Variants in CC2D2A observed in about 807,000 individuals in gnomAD.
CC2D2A encodes coiled-coil and C2 domain containing 2A.
In CC2D2A, 155 loss-of-function variants were observed where a neutral mutation model predicts 212.9. That is an observed-to-expected ratio of 0.73 (90% confidence interval 0.64 to 0.83). The LOEUF (loss-of-function observed/expected upper bound fraction) is 0.83, where lower values mean the gene tolerates loss of function less well. Ranked by LOEUF, CC2D2A falls within the 40% of genes least tolerant of loss-of-function variation. The pLI, the probability that CC2D2A is intolerant of heterozygous loss-of-function variation, is 0.00. For synonymous variants in CC2D2A, 667 were observed against 686.5 expected, an observed-to-expected ratio of 0.97 and a Z score of 0.44; for missense variants, 1,856 against 1,956.2, an observed-to-expected ratio of 0.95 and a Z score of 0.97.
chr4:15,510,319 G>A, intron 7 of CC2D2A, 79 bp downstream of exon 7: 1 of 1,277,934 alleles, frequency 7.8e-7, no homozygotes, highest in Non-Finnish European at 1.1e-6. Context: ...CTACAGGCCG[G>A]GTGTGGTGGC....
chr4:15,542,580 C>T (rs1157220420), intron 17 of CC2D2A, among the ~76,000 whole-genome samples: 1 of 152,194 alleles, frequency 6.6e-6, no homozygotes, highest in South Asian at 2.1e-4. Context: ...GTGAGTATGA[C>T]TGACAAAGTC....
intron 4 of CC2D2A, among the ~76,000 whole-genome samples, chr4:15,496,627 T>A (rs1715630928): frequency 6.6e-6 from 1 of 152,100 alleles, no homozygotes; most frequent in Non-Finnish European, 1.5e-5. Context: ...GGCCCAGTAA[T>A]CCCATTACTG....
At chr4:15,514,122 G>A (rs555635171) in intron 8 of CC2D2A, among the ~76,000 whole-genome samples, 1 of 152,298 alleles carries the variant, frequency 6.6e-6, no homozygotes, top group East Asian at 1.9e-4. Context: ...GAATTTTTAA[G>A]TGTATCATTT....
rs563258533 is a variant in CC2D2A at position 15,487,100 on chromosome 4, G to A, written c.247+6273G>A. On this transcript the variant is annotated intron_variant, in intron 4 of 36. Transcript: ENST00000424120. ...CCTTGAGCATGTTCCATGTGCTGAA[G>A]AGAAAAATGTGTATTCTGCAGCTGT... is the stretch of plus-strand genomic sequence containing the variant. Among the ~76,000 whole-genome samples the A allele has an allele frequency of 2.0e-5, 3 of 152,186 alleles. No individual in the cohort carries two copies. The East Asian group carries it at 5.8e-4, about 29-fold the overall frequency.
At chr4:15,472,483 C>A (rs772770238) in intron 1 of CC2D2A, among the ~76,000 whole-genome samples, 2 of 152,074 alleles carry the variant, frequency 1.3e-5, no homozygotes, top group Non-Finnish European at 2.9e-5. Flanking sequence ...ATTTCGGTGT[C>A]ATTTGATTTC....
chr4:15,492,422 T>A (rs1715353192), intron 4 of CC2D2A, among the ~76,000 whole-genome samples: 1 of 152,140 alleles, frequency 6.6e-6, no homozygotes, highest in East Asian at 1.9e-4. Context: ...CCTATGAAAA[T>A]ATAGTTACAT....
intron 30 of CC2D2A, among the ~76,000 whole-genome samples, chr4:15,583,676 G>A (rs1009226965): frequency 6.6e-5 from 10 of 152,132 alleles, no homozygotes; most frequent in South Asian, 2.1e-4. Context: ...TGGGCTCAGC[G>A]TGGTGGCTCA....
chr4:15,471,741 A>T (rs890520740), intron 1 of CC2D2A, among the ~76,000 whole-genome samples: 2 of 152,030 alleles, frequency 1.3e-5, no homozygotes, highest in African/African-American at 4.8e-5. Context: ...GCAAAGAAAT[A>T]TGTGGACCAC....
intron 30 of CC2D2A, among the ~76,000 whole-genome samples, chr4:15,581,010 T>C (rs1255615228): frequency 6.6e-6 from 1 of 152,162 alleles, no homozygotes; most frequent in Non-Finnish European, 1.5e-5. Flanking sequence ...ACCATACCCA[T>C]CACAAACTTG....
At chr4:15,525,913 T>C (rs1047617298) in intron 11 of CC2D2A, among the ~76,000 whole-genome samples, 1 of 152,170 alleles carries the variant, frequency 6.6e-6, no homozygotes, top group Non-Finnish European at 1.5e-5. Context: ...GAATGTGGGG[T>C]AATGCAGATT....
chr4:15,489,358 C>A (rs1230057556), intron 4 of CC2D2A, among the ~76,000 whole-genome samples: 1 of 152,042 alleles, frequency 6.6e-6, no homozygotes, highest in Non-Finnish European at 1.5e-5. Context: ...TAGTGCCCAC[C>A]AGCTGGAGAA....
intron 8 of CC2D2A, among the ~76,000 whole-genome samples, chr4:15,512,211 GT>G (rs1359016357): frequency 6.6e-6 from 1 of 152,154 alleles, no homozygotes; most frequent in Non-Finnish European, 1.5e-5. Context: ...TCCACTCTGT[GT>G]ATATATCCAA....
At chr4:15,536,871 T>C (rs1434921475) in intron 14 of CC2D2A, 49 bp from the exon 15 acceptor site, 2 of 1,567,832 alleles carry the variant, frequency 1.3e-6, no homozygotes, top group African/African-American at 2.7e-5. Context: ...ATTATTGCTC[T>C]CTTACTTAAT....
At chr4:15,546,838 G>C (rs1271324604) in intron 17 of CC2D2A, among the ~76,000 whole-genome samples, 1 of 152,172 alleles carries the variant, frequency 6.6e-6, no homozygotes, top group Non-Finnish European at 1.5e-5. Flanking sequence ...CAAGAAGACA[G>C]GTGTGGTCAT....
intron 11 of CC2D2A, chr4:15,519,301 C>T (rs755554473): frequency 4.3e-4 from 169 of 394,304 alleles, no homozygotes; most frequent in Middle Eastern, 8.4e-4. Context: ...CCAACAAGTT[C>T]CTCATCTCCA....
At chr4:15,523,765 CCTCATT>C (rs1717342296) in intron 11 of CC2D2A, among the ~76,000 whole-genome samples, 1 of 152,216 alleles carries the variant, frequency 6.6e-6, no homozygotes, top group Admixed American at 6.5e-5. Context: ...TACTGGTGGG[CCTCATT>C]CTCTGCAATT....
rs34831330 is a variant in CC2D2A, at chr4:15,563,585, T to C, written c.3182+63T>C. On this transcript the variant is annotated intron_variant, in intron 24 of 36. Coordinates refer to ENST00000424120, the MANE Select transcript of CC2D2A (RefSeq NM_001378615.1). ...GCATCCCAGCCAAGTCAATCGCTCC[T>C]TTACAGCATACTCACTCTCATTCTT... 217,441 of 1,518,654 alleles carry C rather than the reference T, an allele frequency of 0.14. 16,249 individuals are homozygous for C. Among genetic ancestry groups the C allele is most frequent in the Non-Finnish European group, 0.15 (168,093 of 1,110,770 alleles). The allele number at this position is 1,518,654 out of a possible 1,614,324, so 94.1% of individuals were successfully genotyped here. A position where few individuals can be genotyped will look rare whatever the true frequency, so the allele number is the denominator to read the frequency against.
At chr4:15,514,176 T>C (rs751715462) in intron 8 of CC2D2A, among the ~76,000 whole-genome samples, 6 of 152,234 alleles carry the variant, frequency 3.9e-5, no homozygotes, top group Non-Finnish European at 8.8e-5. Context: ...TCCATTACTA[T>C]AACTATCTTA....
chr4:15,511,392 A>G lies in CC2D2A; in HGVS notation c.686A>G (p.Glu229Gly). 1 of 1,547,366 alleles carries G rather than the reference A, an allele frequency of 6.5e-7. No individual in the cohort carries two copies. The highest frequency in any genetic ancestry group is 8.7e-7 in the Non-Finnish European group (1 of 1,152,742). The stretch of plus-strand genomic sequence containing the variant: ...GAGGAGGAGGAAGGGGAAGAAGAAG[A>G]ACCACCTGCACAAGGAGGAGGAAAG... ...NQEEEEGEEE[E>G]PPAQGGGKEM... The change falls in exon 8 of 37, where the codon GAA becomes GGA. Residue 229 changes from glutamate to glycine, a missense_variant. Coordinates refer to ENST00000424120, the MANE Select transcript of CC2D2A (RefSeq NM_001378615.1).
Sources: allele counts gnomAD v4.1 joint callset (sites outside exome capture counted in the v4.1 genomes callset), GRCh38; gene constraint gnomAD v4.1.1; transcripts MANE v1.5; gene names NCBI Gene and HGNC (gene_info 2026-07-23, HGNC 2026-07-21).